Variants in ARMC2 observed in about 807,000 individuals in gnomAD.
ARMC2 encodes armadillo repeat containing 2, also known as armadillo repeat-containing protein 2.
A neutral mutation model predicts 90.3 loss-of-function variants in ARMC2; 67 were observed. That is an observed-to-expected ratio of 0.74 (90% CI 0.61 to 0.91). ARMC2 has a LOEUF of 0.91. Among genes scored for constraint, ARMC2 ranks in the 40% least tolerant of loss-of-function variants. The pLI is 0.00. For synonymous variants in ARMC2, 393 were observed against 393.0 expected (o/e 1.00, Z 0.00); for missense variants, 920 against 1,030.9 (o/e 0.89, Z 1.47).
chr6:108,974,824 C>A (rs944823223), downstream of ARMC2, among the ~76,000 whole-genome samples: 1 of 152,010 alleles, frequency 6.6e-6, no homozygotes, highest in Non-Finnish European at 1.5e-5. Context: ...CCTGTAATCC[C>A]AACACTCTGG....
At chr6:109,038,202 G>A in the ARMC2 span, among the ~76,000 whole-genome samples, 3 of 152,188 alleles carry the variant, frequency 2.0e-5, no homozygotes, top group African/African-American at 7.2e-5. Flanking sequence ...GTATAAAAAA[G>A]CACAAGCCAG....
At position 108,912,511 on chromosome 6, in the gene ARMC2, A is replaced by G; in HGVS notation, c.1303A>G (p.Lys435Glu). Residue 435 changes from lysine (K) to glutamate (E), a missense_variant, in exon 10 of 18, where the codon AAG becomes GAG. Transcript: ENST00000392644. Reference protein sequence around the residue: ...NLIKQINENIKKCGTFLPNSG... With the variant: ...NLIKQINENIEKCGTFLPNSG... ...GATAAAACAAATAAATGAGAACATCAAGAAATGTGGTACATTTTTGCCTAA... is the reference window on the plus strand; with the variant it reads ...GATAAAACAAATAAATGAGAACATCGAGAAATGTGGTACATTTTTGCCTAA... 6.2e-7 allele frequency: 1 copy of G among 1,614,030 alleles called. No individual in the cohort carries two copies. Among genetic ancestry groups the G allele is most frequent in the South Asian group, 1.1e-5 (1 of 91,074 alleles).
intron 17 of ARMC2, among the ~76,000 whole-genome samples, chr6:108,969,041 G>C (rs541009851): frequency 6.6e-6 from 1 of 152,320 alleles, no homozygotes; most frequent in East Asian, 1.9e-4. Context: ...CCTCTGTGGG[G>C]AGCTGGCACC....
Position 108,890,203 on chromosome 6 carries a change from A to C in ARMC2, c.672-4264A>C, listed in dbSNP as rs951565984. Among the ~76,000 whole-genome samples the C allele has an allele frequency of 3.2e-4, 7 of 21,922 alleles. 1 individual carries two copies. The highest frequency in any genetic ancestry group is 5.6e-4 in the Non-Finnish European group (5 of 9,000). 14.4% of individuals were successfully genotyped at this position (21,922 alleles called of 152,430 possible). A position where few individuals can be genotyped will look rare whatever the true frequency, so the allele number is the denominator to read the frequency against. On this transcript the variant is annotated intron_variant, in intron 5 of 17. Coordinates refer to ENST00000392644, the MANE Select transcript of ARMC2 (RefSeq NM_032131.6). ...AGACTCCGTCTCAAAAAAAAAAAAA[A>C]AAAAAAAAAAAAAAAAAAAAAAAAA...
chr6:108,861,528 T>C (rs755235038), intron 3 of ARMC2, among the ~76,000 whole-genome samples: 18 of 152,238 alleles, frequency 1.2e-4, no homozygotes, highest in Non-Finnish European at 2.5e-4. Flanking sequence ...AAAATGTATC[T>C]TATATTTTTA....
Position 108,859,730 on chromosome 6 carries a change from C to T in ARMC2, c.291+1459C>T, listed in dbSNP as rs568136397. Among the ~76,000 whole-genome samples, 62 of 152,280 alleles carry T rather than the reference C, an allele frequency of 4.1e-4. 1 individual carries two copies. Among genetic ancestry groups the T allele is most frequent in the African/African-American group, 1.3e-3 (52 of 41,548 alleles). On this transcript the variant is annotated intron_variant, in intron 3 of 17. Coordinates refer to ENST00000392644, the MANE Select transcript of ARMC2 (RefSeq NM_032131.6). ...TCAGATGTAGGACTTCCTGGCTGGGCGTGGTGGCTCACGCCTGTAATCCCA... is the reference window on the plus strand; with the variant it reads ...TCAGATGTAGGACTTCCTGGCTGGGTGTGGTGGCTCACGCCTGTAATCCCA...
chr6:108,910,871 C>A, intron 8 of ARMC2, 28 bp from the exon 9 acceptor site: 1 of 1,129,666 alleles, frequency 8.9e-7, no homozygotes, highest in East Asian at 2.7e-5. Context: ...TTTCCTTCTG[C>A]AATAGAGATG....
At chr6:109,012,483 G>GCCTTATTTTT in the ARMC2 span, among the ~76,000 whole-genome samples, 1 of 152,146 alleles carries the variant, frequency 6.6e-6, no homozygotes, top group Non-Finnish European at 1.5e-5. Flanking sequence ...TGAAGAGCAA[G>GCCTTATTTTT]CTGATAATCT....
At chr6:108,907,511 T>G in intron 8 of ARMC2, 3 of 773,130 alleles carry the variant, frequency 3.9e-6, no homozygotes, top group Non-Finnish European at 3.8e-6. Context: ...TTAATTGCCA[T>G]TAGGATATGA....
At chr6:108,964,078 G>T in intron 15 of ARMC2, 102 bp from the exon 16 acceptor site, 3 of 1,326,284 alleles carry the variant, frequency 2.3e-6, no homozygotes, top group Non-Finnish European at 1.0e-6. Flanking sequence ...AGGGGTTCTG[G>T]GTTTGCAAGC....
chr6:108,990,800 T>C, the ARMC2 span: 1 of 1,614,050 alleles, frequency 6.2e-7, no homozygotes, highest in Non-Finnish European at 8.5e-7. Context: ...AAAGGCGATT[T>C]ACCAAAGAAT....
chr6:108,965,371 C>CTTT (rs35328272), intron 17 of ARMC2, among the ~76,000 whole-genome samples: 5 of 126,726 alleles, frequency 3.9e-5, no homozygotes, highest in East Asian at 2.3e-4. Flanking sequence ...TCTTCTATGG[C>CTTT]TTTTTTTTTT....
the ARMC2 span, among the ~76,000 whole-genome samples, chr6:109,017,241 T>C: frequency 6.6e-6 from 1 of 152,164 alleles, no homozygotes; most frequent in African/African-American, 2.4e-5. Flanking sequence ...TATGTAACCA[T>C]TTAGCATTCA....
At chr6:108,965,879 C>G (rs1264851979) in intron 17 of ARMC2, among the ~76,000 whole-genome samples, 3 of 151,228 alleles carry the variant, frequency 2.0e-5, no homozygotes, top group African/African-American at 7.3e-5. Context: ...TGTCAACCTC[C>G]TGGGCTCAAG....
the ARMC2 span, chr6:109,001,577 T>C: frequency 8.8e-7 from 1 of 1,141,012 alleles, no homozygotes; most frequent in Non-Finnish European, 1.3e-6. Flanking sequence ...TAAGTATCAT[T>C]TAGAAGCAGA....
chr6:109,009,053 T>C, the ARMC2 span: 1 of 954,098 alleles, frequency 1.0e-6, no homozygotes, highest in Non-Finnish European at 1.3e-6. Flanking sequence ...ACAATGTTAT[T>C]TACGTATTGG....
chr6:108,912,640 A>G, intron 10 of ARMC2, 82 bp downstream of exon 10: 1 of 1,294,074 alleles, frequency 7.7e-7, no homozygotes, highest in South Asian at 1.4e-5. Context: ...AATGGCATGC[A>G]AGAGGCCCCT....
chr6:109,051,842 A>G, the ARMC2 span, among the ~76,000 whole-genome samples: 1 of 152,174 alleles, frequency 6.6e-6, no homozygotes, highest in Admixed American at 6.5e-5. Flanking sequence ...ATGACAGAAG[A>G]CAGTCGAACA....
At position 108,912,409 on chromosome 6, in the gene ARMC2, A is replaced by G; in HGVS notation, c.1201A>G (p.Ile401Val). The change falls in exon 10 of 18, where the codon ATA becomes GTA. Residue 401 changes from isoleucine (I) to valine (V), a missense_variant. Physicochemically the swap from Ile to Val is conservative, Grantham distance 29. Coordinates refer to ENST00000392644, the MANE Select transcript of ARMC2 (RefSeq NM_032131.6). ...MEAFLYCMGS[I>V]KFISGNLGFL... ...AGCTTTTTTATACTGTATGGGGTCT[A>G]TAAAGTTCATTTCTGGAAATCTGGG... 2.5e-6 allele frequency: 4 copies of G among 1,613,978 alleles called. No homozygotes were observed. Among genetic ancestry groups the G allele is most frequent in the Admixed American group, 1.7e-5 (1 of 60,030 alleles).
Sources: gnomAD v4.1 joint callset for allele counts (sites outside exome capture counted in the v4.1 genomes callset) on GRCh38, gnomAD v4.1.1 for gene constraint, MANE v1.5 for transcripts, NCBI Gene and HGNC (gene_info 2026-07-23, HGNC 2026-07-21) for gene names.